Variants in HNF1B observed in about 807,000 individuals in gnomAD.
HNF1B encodes HNF1 homeobox B.
A neutral mutation model predicts 61.7 loss-of-function variants in HNF1B; 8 were observed. The ratio of observed to expected loss-of-function variants is 0.13; its 90% CI spans 0.08 to 0.23. The LOEUF (loss-of-function observed/expected upper bound fraction) is 0.23. Among genes scored for constraint, HNF1B ranks in the 10% least tolerant of loss-of-function variants. The pLI is 1.00. For missense variants in HNF1B, 562 were observed against 714.5 expected, an observed-to-expected ratio of 0.79 and a Z score of 2.43; for synonymous variants, 314 against 287.7, an observed-to-expected ratio of 1.09 and a Z score of -0.93.
intron 5 of HNF1B, among the ~76,000 whole-genome samples, chr17:37,709,864 G>A (rs1301408889): frequency 2.0e-5 from 3 of 152,152 alleles, no homozygotes; most frequent in Non-Finnish European, 4.4e-5. Flanking sequence ...AGGCTACACA[G>A]CTATTAAGAG....
intron 4 of HNF1B, among the ~76,000 whole-genome samples, chr17:37,719,950 TCA>T (rs1294541665): frequency 1.3e-5 from 2 of 152,198 alleles, no homozygotes; most frequent in Admixed American, 1.3e-4. Flanking sequence ...TTCATCACTG[TCA>T]CAGAGGGCAT....
intron 2 of HNF1B, among the ~76,000 whole-genome samples, chr17:37,737,876 C>T (rs879943252): frequency 1.3e-5 from 2 of 152,004 alleles, no homozygotes; most frequent in Admixed American, 6.6e-5. Context: ...ACAAAAATAA[C>T]AATAACAACA....
intron 4 of HNF1B, among the ~76,000 whole-genome samples, chr17:37,715,611 G>A (rs1283537358): frequency 6.6e-6 from 1 of 152,174 alleles, no homozygotes; most frequent in Non-Finnish European, 1.5e-5. Context: ...TCGGTCCACT[G>A]TGTGCACTGG....
intron 8 of HNF1B, among the ~76,000 whole-genome samples, chr17:37,689,769 T>C (rs191391200): frequency 2.6e-5 from 4 of 152,344 alleles, no homozygotes; most frequent in African/African-American, 9.6e-5. Flanking sequence ...GACATCCTAC[T>C]GTGTGCCAGG....
At chr17:37,725,137 G>A (rs534262268) in intron 4 of HNF1B, among the ~76,000 whole-genome samples, 3 of 152,038 alleles carry the variant, frequency 2.0e-5, no homozygotes, top group East Asian at 1.9e-4. Flanking sequence ...AGTTCCTGTC[G>A]CTTCTCATCA....
At chr17:37,698,147 A>T (rs1016991) in intron 8 of HNF1B, among the ~76,000 whole-genome samples, 24,665 of 151,962 alleles carry the variant, frequency 0.16, 2,046 homozygotes, top group Middle Eastern at 0.22. Context: ...AAAAAAGACC[A>T]TCAACAAGAC....
intron 1 of HNF1B, among the ~76,000 whole-genome samples, chr17:37,741,713 C>A (rs963246888): frequency 6.6e-6 from 1 of 152,056 alleles, no homozygotes; most frequent in Non-Finnish European, 1.5e-5. Flanking sequence ...GGCTATTTTT[C>A]TTTTGTTTAA....
intron 8 of HNF1B, among the ~76,000 whole-genome samples, chr17:37,694,453 C>CG (rs1555819979): frequency 6.0e-5 from 4 of 67,188 alleles, no homozygotes; most frequent in Admixed American, 1.3e-4. Flanking sequence ...CCCCCCCCCC[C>CG]GCAAAAAAAA....
intron 4 of HNF1B, chr17:37,721,040 G>C (rs553209456): frequency 6.8e-4 from 529 of 772,864 alleles, no homozygotes; most frequent in Middle Eastern, 5.3e-3. Flanking sequence ...TGCTGAACAA[G>C]AACTCACATA....
intron 7 of HNF1B, among the ~76,000 whole-genome samples, chr17:37,700,096 T>G (rs2032515221): frequency 1.4e-5 from 2 of 139,048 alleles, no homozygotes; most frequent in South Asian, 4.4e-4. Flanking sequence ...GTAACTTGCA[T>G]TAGGCTACAC....
chr17:37,719,835 C>G (rs1202486122), intron 4 of HNF1B, among the ~76,000 whole-genome samples: 2 of 152,216 alleles, frequency 1.3e-5, no homozygotes, highest in Non-Finnish European at 2.9e-5. Context: ...CTATTCATAA[C>G]AAAGACCGTA....
chr17:37,724,244 G>A (rs749466285), intron 4 of HNF1B, among the ~76,000 whole-genome samples: 1 of 152,010 alleles, frequency 6.6e-6, no homozygotes, highest in African/African-American at 2.4e-5. Flanking sequence ...CCCCACCCCA[G>A]GGAACTGGCA....
chr17:37,702,937 T>C (rs2032619849), intron 6 of HNF1B, among the ~76,000 whole-genome samples: 1 of 152,218 alleles, frequency 6.6e-6, no homozygotes, highest in Admixed American at 6.5e-5. Flanking sequence ...TTCTGGGCAC[T>C]GGTTCTTGCT....
rs917853092 is a variant in HNF1B at position 37,699,094 on chromosome 17, G to C, written c.1635C>G (p.Asn545Lys). Residue 545 changes from asparagine (N) to lysine (K), a missense_variant, in exon 8 of 9, where the codon AAC becomes AAG. Around this residue, in one of 6 missense-constraint regions of HNF1B, gnomAD observed 64 missense variants for 96.9 expected, o/e 0.66. Coordinates refer to ENST00000617811, the MANE Select transcript of HNF1B (RefSeq NM_000458.4). ...GCATTACCTGTTTACTTGAAGACAT[G>C]TTGGTGAGTGTACTGATGCTGCTGG... ...TDTSSISTLT[N>K]MSSSKQCPLQ... is the part of the protein sequence containing the mutation. 6.2e-7 allele frequency: 1 copy of C among 1,613,188 alleles called. No individual in the cohort carries two copies. Among genetic ancestry groups the C allele is most frequent in the South Asian group, 1.1e-5 (1 of 91,064 alleles).
chr17:37,741,754 T>C (rs918863493), intron 1 of HNF1B, among the ~76,000 whole-genome samples: 3 of 152,172 alleles, frequency 2.0e-5, no homozygotes, highest in African/African-American at 7.2e-5. Context: ...TTTGTATGCC[T>C]AAGAAACCTA....
intron 7 of HNF1B, 48 bp from the exon 8 acceptor site, chr17:37,699,242 GAC>G (rs2032485554): frequency 7.1e-7 from 1 of 1,408,394 alleles, no homozygotes; most frequent in South Asian, 1.1e-5. Context: ...CACAGGCAAA[GAC>G]ACAGGTACAG....
intron 1 of HNF1B, among the ~76,000 whole-genome samples, chr17:37,741,122 T>C (rs1296831352): frequency 1.3e-5 from 2 of 152,050 alleles, no homozygotes; most frequent in Non-Finnish European, 2.9e-5. Flanking sequence ...TAGTTTCAGG[T>C]GAAACAAAAA....
chr17:37,720,967 T>C, intron 4 of HNF1B: 1 of 985,292 alleles, frequency 1.0e-6, no homozygotes, highest in Non-Finnish European at 1.2e-6. Context: ...TAAGCACTTT[T>C]GTGCCCATCG....
chr17:37,699,822 C>T lies in HNF1B; in HGVS notation c.1535-628G>A, dbSNP rs1430922107. On this transcript the variant is annotated intron_variant, in intron 7 of 8. Transcript: ENST00000617811. ...GGTGCTCAGAAACCAGCTCCACAGG[C>T]CCGAGTGGGGATTGAGCCCTGAAGA... Among the ~76,000 whole-genome samples the T allele has an allele frequency of 3.3e-5, 5 of 152,152 alleles. 1 individual carries two copies. Among genetic ancestry groups the T allele is most frequent in the South Asian group, 4.2e-4 (2 of 4,814 alleles).
Sources: gnomAD v4.1 joint callset for allele counts (sites outside exome capture counted in the v4.1 genomes callset) on GRCh38, gnomAD v4.1.1 for gene constraint, gnomAD v4.1.1 regional missense constraint, MANE v1.5 for transcripts, NCBI Gene and HGNC (gene_info 2026-07-23, HGNC 2026-07-21) for gene names.